The following CSMD3 variants were observed in gnomAD, a reference collection of about 807,000 sequenced individuals.
CSMD3 encodes CUB and Sushi multiple domains 3.
CSMD3 carries 177 observed loss-of-function variants against 435.2 expected under a neutral mutation model. That is an observed-to-expected ratio of 0.41 (90% confidence interval 0.36 to 0.46). The LOEUF (loss-of-function observed/expected upper bound fraction) is 0.46, where lower values mean the gene tolerates loss of function less well. CSMD3 is among the 20% of genes least tolerant of loss of function. CSMD3 has a pLI of 0.34. For synonymous variants in CSMD3, 1,656 were observed against 1,520.5 expected (o/e 1.09, Z -2.07); for missense variants, 4,265 against 4,504.6 (o/e 0.95, Z 1.52).
rs1324947322 is a variant in CSMD3, at chr8:113,103,292, T to C, written c.710-4329A>G. Among the ~76,000 whole-genome samples, 5 of 152,140 alleles carry C rather than the reference T, an allele frequency of 3.3e-5. No individual in the cohort carries two copies. In the East Asian group the frequency reaches 9.6e-4, roughly 29 times the overall value. On this transcript the variant is annotated intron_variant, in intron 4 of 70. Coordinates refer to ENST00000297405, the MANE Select transcript of CSMD3 (RefSeq NM_198123.2). ...AACATACAGATAATACAGTGAGTAA[T>C]AAAAACAATGGTGGATTCTCTACTC... is the stretch of plus-strand genomic sequence containing the variant.
intron 5 of CSMD3, among the ~76,000 whole-genome samples, chr8:113,055,589 C>T (rs976682998): frequency 3.3e-5 from 5 of 152,132 alleles, no homozygotes; most frequent in Non-Finnish European, 5.9e-5. Context: ...GAGCTTCAGA[C>T]TTGTATAAAA....
At chr8:112,338,453 G>A (rs1824784692) in intron 42 of CSMD3, among the ~76,000 whole-genome samples, 1 of 152,058 alleles carries the variant, frequency 6.6e-6, no homozygotes, top group Admixed American at 6.6e-5. Flanking sequence ...ATAAATGTTA[G>A]ACCTATGAAC....
At chr8:113,341,580 T>G (rs567541645) in intron 1 of CSMD3, among the ~76,000 whole-genome samples, 1 of 152,240 alleles carries the variant, frequency 6.6e-6, no homozygotes, top group Non-Finnish European at 1.5e-5. Context: ...AGTTTATAAA[T>G]ATATATATGA....
At position 113,340,332 on chromosome 8, in the gene CSMD3, A is replaced by G. The variant is rs192906149; in HGVS notation, c.179-25539T>C. The stretch of plus-strand genomic sequence containing the variant: ...CACATCATCAGTTGATGTTTGTACT[A>G]TTGTTTCTGTGCATTTTAATTTTAT... On this transcript the variant is annotated intron_variant, in intron 1 of 70. Coordinates refer to ENST00000297405, the MANE Select transcript of CSMD3 (RefSeq NM_198123.2). 3.3e-5 allele frequency among the ~76,000 whole-genome samples: 5 copies of G among 152,206 alleles called. No homozygotes were observed. In the East Asian group the frequency reaches 9.7e-4, roughly 29 times the overall value.
chr8:113,139,646 A>G, intron 4 of CSMD3, among the ~76,000 whole-genome samples: 1 of 151,062 alleles, frequency 6.6e-6, no homozygotes, highest in East Asian at 1.9e-4. Flanking sequence ...TCAAATAAAC[A>G]CATGAAAACA....
chr8:112,617,952 A>G (rs1446919250), intron 22 of CSMD3, among the ~76,000 whole-genome samples: 1 of 152,128 alleles, frequency 6.6e-6, no homozygotes, highest in African/African-American at 2.4e-5. Context: ...TGGACAGGGC[A>G]ACTCCTTTAT....
At chr8:112,636,719 C>A in intron 22 of CSMD3, 98 bp downstream of exon 22, 1 of 1,048,960 alleles carries the variant, frequency 9.5e-7, no homozygotes, top group South Asian at 1.3e-5. Flanking sequence ...GAAATAAATG[C>A]AGAAATTCAA....
At chr8:112,646,029 T>C (rs2074970137) in intron 19 of CSMD3, among the ~76,000 whole-genome samples, 1 of 152,192 alleles carries the variant, frequency 6.6e-6, no homozygotes, top group Non-Finnish European at 1.5e-5. Flanking sequence ...GTAAGAATCA[T>C]GAATGCCACA....
At position 112,261,809 on chromosome 8, in the gene CSMD3, A is replaced by G. The variant is rs137886561; in HGVS notation, c.9862+1830T>C. Among the ~76,000 whole-genome samples, 317 of 152,122 alleles carry G rather than the reference A, an allele frequency of 2.1e-3. 1 individual carries two copies. The highest frequency in any genetic ancestry group is 2.2e-3 in the Non-Finnish European group (152 of 67,952). The stretch of plus-strand genomic sequence containing the variant: ...GAAGTTTATGGTACTCCATATCCTC[A>G]CTAATACTTGATATTGTGTAATATT... On this transcript the variant is annotated intron_variant, in intron 61 of 70. Transcript: ENST00000297405.
intron 10 of CSMD3, among the ~76,000 whole-genome samples, chr8:112,895,025 G>T (rs868523872): frequency 1.3e-5 from 2 of 151,254 alleles, no homozygotes; most frequent in Non-Finnish European, 3.0e-5. Context: ...AGGCTATAAG[G>T]CTAAGTAATG....
Position 112,381,769 on chromosome 8 carries a change from G to A in CSMD3, c.6032-1313C>T, listed in dbSNP as rs374283501. On this transcript the variant is annotated intron_variant, in intron 37 of 70. Coordinates refer to ENST00000297405, the MANE Select transcript of CSMD3 (RefSeq NM_198123.2). ...GTTATTGATTAAGAGCTCTAATTCT[G>A]GAGTCACACCAGGTGGGTCCCAATC... is the stretch of plus-strand genomic sequence containing the variant. Among the ~76,000 whole-genome samples the A allele has an allele frequency of 7.9e-5, 12 of 152,168 alleles. No homozygotes were observed. The East Asian group carries it at 1.9e-3, about 25-fold the overall frequency.
rs181215832 is a variant in CSMD3 at position 113,241,957 on chromosome 8, A to G, written c.514+36635T>C. Reference sequence around the variant, plus strand: ...TTATATAAAAAATTACTATATATATATATACACACACAATTTTAGACAGGT... The same window carrying G: ...TTATATAAAAAATTACTATATATATGTATACACACACAATTTTAGACAGGT... On this transcript the variant is annotated intron_variant, in intron 3 of 70. Coordinates refer to ENST00000297405, the MANE Select transcript of CSMD3 (RefSeq NM_198123.2). Among the ~76,000 whole-genome samples, 1,101 of 151,378 alleles carry G rather than the reference A, an allele frequency of 7.3e-3. 10 individuals are homozygous for G. Among genetic ancestry groups the G allele is most frequent in the African/African-American group, 0.024 (994 of 41,402 alleles).
chr8:112,685,385 A>G (rs756335843), intron 15 of CSMD3, 21 bp downstream of exon 15: 484 of 1,597,506 alleles, frequency 3.0e-4, no homozygotes, highest in Non-Finnish European at 4.0e-4. Flanking sequence ...ATATGGGAAA[A>G]AAACAGAAAC....
At chr8:112,230,641 A>G (rs1812998365) in intron 69 of CSMD3, among the ~76,000 whole-genome samples, 1 of 152,110 alleles carries the variant, frequency 6.6e-6, no homozygotes, top group African/African-American at 2.4e-5. Flanking sequence ...ATACATAGCC[A>G]GGCATGGTAG....
intron 23 of CSMD3, among the ~76,000 whole-genome samples, chr8:112,575,929 A>G (rs1466394492): frequency 1.3e-5 from 2 of 152,078 alleles, no homozygotes; most frequent in African/African-American, 4.8e-5. Context: ...TCATTTAACC[A>G]CTAGATCCAG....
chr8:113,087,280 G>A (rs1353892325), intron 5 of CSMD3, among the ~76,000 whole-genome samples: 1 of 151,712 alleles, frequency 6.6e-6, no homozygotes, highest in Non-Finnish European at 1.5e-5. Context: ...TGGCCATATT[G>A]CCCAAGGTAA....
chr8:113,105,627 T>C (rs1409210057), intron 4 of CSMD3, among the ~76,000 whole-genome samples: 1 of 152,072 alleles, frequency 6.6e-6, no homozygotes, highest in African/African-American at 2.4e-5. Flanking sequence ...CTAGCTAGAA[T>C]ATAGAGTCCA....
chr8:113,178,869 C>T, intron 3 of CSMD3, among the ~76,000 whole-genome samples: 1 of 151,828 alleles, frequency 6.6e-6, no homozygotes, highest in South Asian at 2.1e-4. Context: ...TGGCTTCACG[C>T]AGTGATGTAT....
At chr8:112,296,387 T>C (rs1195260589) in intron 53 of CSMD3, among the ~76,000 whole-genome samples, 1 of 151,664 alleles carries the variant, frequency 6.6e-6, no homozygotes, top group Non-Finnish European at 1.5e-5. Context: ...CCGTCTCTAC[T>C]AAAAATACAA....
Sources: allele counts gnomAD v4.1 joint callset (sites outside exome capture counted in the v4.1 genomes callset), GRCh38; gene constraint gnomAD v4.1.1; transcripts MANE v1.5; gene names NCBI Gene and HGNC (gene_info 2026-07-23, HGNC 2026-07-21).